The following TNRC18 variants were observed in gnomAD, a reference collection of about 807,000 sequenced individuals.
TNRC18 encodes the protein trinucleotide repeat-containing gene 18 protein.
In TNRC18, 69 loss-of-function variants were observed where a neutral mutation model predicts 226.7. That is an observed-to-expected ratio of 0.30 (90% CI 0.25 to 0.37). TNRC18 has a LOEUF of 0.37. Among genes scored for constraint, TNRC18 ranks in the 10% least tolerant of loss-of-function variants. The pLI, the probability that TNRC18 is intolerant of heterozygous loss-of-function variation, is 1.00. For synonymous variants in TNRC18, 2,449 were observed against 1,927.6 expected, an observed-to-expected ratio of 1.27 and a Z score of -7.09; for missense variants, 4,754 against 4,256.6, an observed-to-expected ratio of 1.12 and a Z score of -3.25.
intron 13 of TNRC18, 83 bp from the exon 14 acceptor site, chr7:5,361,805 C>T (rs1793079346): frequency 2.6e-6 from 4 of 1,524,648 alleles, no homozygotes; most frequent in African/African-American, 1.4e-5. Context: ...CACACGGCGC[C>T]GGGTCCACGC....
In TNRC18 at chr7:5,307,045, C is replaced by T. The variant is rs1486739102; in HGVS notation, c.*1061G>A. On this transcript the variant is annotated 3_prime_UTR_variant, in exon 30 of 30. Coordinates refer to ENST00000430969, the MANE Select transcript of TNRC18 (RefSeq NM_001080495.3). Reference sequence around the variant, plus strand: ...TGGGCTTGGGCCGGCTCCTGCCTCTCCCTCTTCTCTCCCTAACAAACACTT... The same window carrying T: ...TGGGCTTGGGCCGGCTCCTGCCTCTTCCTCTTCTCTCCCTAACAAACACTT... The T allele has an allele frequency of 2.0e-5, 3 of 150,166 alleles. 1 individual carries two copies. Among genetic ancestry groups the T allele is most frequent in the East Asian group, 2.0e-4 (1 of 5,126 alleles). 9.3% of individuals were successfully genotyped at this position (150,166 alleles called of 1,614,324 possible).
At position 5,377,963 on chromosome 7, in the gene TNRC18, C is replaced by G; in HGVS notation, c.2214G>C (p.Leu738=). The change falls in exon 6 of 30, where the codon CTG becomes CTC. Residue 738 remains leucine, a synonymous_variant. Transcript: ENST00000430969. The surrounding 1 kb of genome is among the most constrained non-coding windows in gnomAD (Gnocchi z 5.8). The part of the protein sequence containing the change: ...DDRARHREER[L]LGARLDRDQE... ...GATCCCGGTCCAGCCGTGCCCCGAG[C>G]AGCCGTTCCTCCCGGTGTCTGGCCC... 6.2e-7 allele frequency: 1 copy of G among 1,613,622 alleles called. No individual in the cohort carries two copies. The highest frequency in any genetic ancestry group is 8.5e-7 in the Non-Finnish European group (1 of 1,179,826).
intron 2 of TNRC18, among the ~76,000 whole-genome samples, chr7:5,401,019 C>A (rs1157752084): frequency 6.6e-6 from 1 of 152,062 alleles, no homozygotes; most frequent in Non-Finnish European, 1.5e-5. Context: ...GGAGACAGAG[C>A]AAGACCCTGT....
chr7:5,328,886 A>C (rs1416556534), intron 19 of TNRC18, among the ~76,000 whole-genome samples: 1 of 152,184 alleles, frequency 6.6e-6, no homozygotes, highest in Non-Finnish European at 1.5e-5. Flanking sequence ...TACTCAGAGG[A>C]GACTGAGGCA....
At chr7:5,403,801 A>C (rs1318495736) in intron 2 of TNRC18, among the ~76,000 whole-genome samples, 1 of 152,028 alleles carries the variant, frequency 6.6e-6, no homozygotes, top group Non-Finnish European at 1.5e-5. Context: ...TTAAAAAAAA[A>C]AAAAAACTGC....
chr7:5,421,351 G>T lies in TNRC18; in HGVS notation c.-105C>A, dbSNP rs1782576833. The T allele has an allele frequency of 1.8e-6, 2 of 1,087,988 alleles. No homozygotes were observed. The highest frequency in any genetic ancestry group is 9.2e-5 in the South Asian group (2 of 21,824). 67.4% of individuals were successfully genotyped at this position (1,087,988 alleles called of 1,614,324 possible). On this transcript the variant is annotated 5_prime_UTR_variant, in exon 2 of 30. Coordinates refer to ENST00000430969, the MANE Select transcript of TNRC18 (RefSeq NM_001080495.3). ...GTAGTCCCAGAGTCCTCGGGCGGCG[G>T]GGGCTCCGCGGCGTGCATGGCGGCG...
intron 3 of TNRC18, 86 bp from the exon 4 acceptor site, chr7:5,390,714 T>C (rs1407144999): frequency 7.0e-7 from 1 of 1,418,772 alleles, no homozygotes; most frequent in Non-Finnish European, 9.3e-7. Context: ...ATAAACTATT[T>C]TGGCAGCCGA....
Position 5,388,649 on chromosome 7 carries a change from G to A in TNRC18, c.1175C>T (p.Ser392Phe). Residue 392 changes from serine (S) to phenylalanine (F), a missense_variant, in exon 5 of 30, where the codon TCC becomes TTC. Ser to Phe is a radical substitution (Grantham distance 155). Transcript: ENST00000430969. ...DERPGPIQIASQARDARARER... is the reference protein window; with the variant it reads ...DERPGPIQIAFQARDARARER... ...GCGGGCCCGGGCATCGCGCGCCTGG[G>A]ATGCGATCTGGATGGGCCCCGGGCG... is the stretch of plus-strand genomic sequence containing the variant. 2.3e-6 allele frequency: 3 copies of A among 1,277,378 alleles called. No homozygotes were observed. Among genetic ancestry groups the A allele is most frequent in the Non-Finnish European group, 3.0e-6 (3 of 1,010,588 alleles). 79.1% of individuals were successfully genotyped at this position (1,277,378 alleles called of 1,614,324 possible).
chr7:5,386,582 A>AG (rs202182277), intron 5 of TNRC18, among the ~76,000 whole-genome samples: 2,852 of 151,492 alleles, frequency 0.019, 92 homozygotes, highest in African/African-American at 0.065. Flanking sequence ...TCCAAAAAAA[A>AG]AAAAAGAAAA....
At chr7:5,356,730 A>AGGCGGCCTCCCCCCCCACTTCC (rs1318972661) in intron 16 of TNRC18, among the ~76,000 whole-genome samples, 186 bp downstream of exon 16, 12 of 150,954 alleles carry the variant, frequency 7.9e-5, no homozygotes, top group East Asian at 3.9e-4. Context: ...TATCCGCTTC[A>AGGCGGCCTCCCCCCCCACTTCC]GGCGGCCTCC....
intron 18 of TNRC18, among the ~76,000 whole-genome samples, chr7:5,340,775 C>A (rs991298817): frequency 1.3e-5 from 2 of 151,714 alleles, no homozygotes; most frequent in African/African-American, 4.8e-5. Flanking sequence ...GGAAAGAAGC[C>A]GTCTCCATAA....
intron 9 of TNRC18, 110 bp from the exon 10 acceptor site, chr7:5,374,594 C>CATG: frequency 8.5e-7 from 1 of 1,182,466 alleles, no homozygotes; most frequent in Non-Finnish European, 1.1e-6. Context: ...GAACCTCATG[C>CATG]AGGGCCTGGG....
chr7:5,388,303 C>A lies in TNRC18; in HGVS notation c.1521G>T (p.Glu507Asp). Residue 507 changes from glutamate (E) to aspartate (D), a missense_variant, in exon 5 of 30, where the codon GAG becomes GAT. By Grantham distance (45) the Glu-to-Asp change is conservative. Transcript: ENST00000430969. ...CCAGCTCGAAGGGTTTCCATTTATG[C>A]TCAGGGCCGGTGGGCGGGGGGCGCC... ...EPGRPPPTGP[E>D]HKWKPFELGN... 1 of 1,606,698 alleles carries A rather than the reference C, an allele frequency of 6.2e-7. No individual in the cohort carries two copies. Among genetic ancestry groups the A allele is most frequent in the Non-Finnish European group, 8.5e-7 (1 of 1,177,360 alleles).
At chr7:5,345,517 G>GCCCACCCCCCCCCCC in intron 18 of TNRC18, 45 bp downstream of exon 18, 1 of 377,744 alleles carries the variant, frequency 2.6e-6, no homozygotes. Flanking sequence ...AATGGCGTCC[G>GCCCACCCCCCCCCCC]CCCCTCCCAC....
chr7:5,309,714 C>T lies in TNRC18; in HGVS notation c.8389-346G>A, dbSNP rs1043507693. ...AACTCCTAGACTCAAGAAATCCTCT[C>T]CCACCTCAGCCTCTGAGGAGCTGAG... On this transcript the variant is annotated intron_variant, in intron 27 of 29. Coordinates refer to ENST00000430969, the MANE Select transcript of TNRC18 (RefSeq NM_001080495.3). The surrounding 1 kb of genome is among the most constrained non-coding windows in gnomAD (Gnocchi z 5.7). 6.6e-6 allele frequency among the ~76,000 whole-genome samples: 1 copy of T among 152,122 alleles called. No homozygotes were observed. The highest frequency in any genetic ancestry group is 2.4e-5 in the African/African-American group (1 of 41,424).
intron 19 of TNRC18, among the ~76,000 whole-genome samples, chr7:5,328,451 T>C (rs1013468308): frequency 8.6e-5 from 13 of 151,740 alleles, no homozygotes; most frequent in African/African-American, 3.1e-4. Context: ...GAGGATCACT[T>C]GAGCCCAAGA....
chr7:5,349,962 C>T (rs1326720937), intron 17 of TNRC18, among the ~76,000 whole-genome samples: 2 of 152,192 alleles, frequency 1.3e-5, no homozygotes, highest in Non-Finnish European at 2.9e-5. Flanking sequence ...ATCTGGGTCC[C>T]GTCCACTTGG....
chr7:5,392,010 C>G (rs1780338392), intron 3 of TNRC18, among the ~76,000 whole-genome samples: 1 of 151,860 alleles, frequency 6.6e-6, no homozygotes, highest in Non-Finnish European at 1.5e-5. Flanking sequence ...CTCAGGTACC[C>G]CATACCCAGC....
At chr7:5,393,261 G>A (rs978524078) in intron 3 of TNRC18, among the ~76,000 whole-genome samples, 4 of 152,222 alleles carry the variant, frequency 2.6e-5, no homozygotes, top group Non-Finnish European at 5.9e-5. Context: ...GCTCAGGTGC[G>A]ACCCCAGCCT....
Sources: gnomAD v4.1 joint callset for allele counts (sites outside exome capture counted in the v4.1 genomes callset) on GRCh38, gnomAD v4.1.1 for gene constraint, Gnocchi (gnomAD v3.1) non-coding constraint, MANE v1.5 for transcripts, NCBI Gene and HGNC (gene_info 2026-07-23, HGNC 2026-07-21) for gene names.